The following AGBL4 variants were observed in gnomAD, a reference collection of about 807,000 sequenced individuals.
AGBL4 encodes the protein cytosolic carboxypeptidase 6.
Under a neutral mutation model 66.4 loss-of-function variants are expected in AGBL4, and 58 were observed. That is an observed-to-expected ratio of 0.87 (90% confidence interval 0.71 to 1.09). AGBL4 has a LOEUF of 1.09. AGBL4 is among the 50% of genes least tolerant of loss of function. AGBL4 has a pLI of 0.00. For missense variants in AGBL4, 579 were observed against 631.0 expected (o/e 0.92, Z 0.88); for synonymous variants, 234 against 222.9 (o/e 1.05, Z -0.44).
At chr1:49,210,474 C>A (rs1167801806) in intron 4 of AGBL4, among the ~76,000 whole-genome samples, 5 of 152,006 alleles carry the variant, frequency 3.3e-5, no homozygotes, top group Non-Finnish European at 5.9e-5. Flanking sequence ...TCTCCACAAA[C>A]AATAGCAGCA....
At chr1:48,731,174 AC>A (rs1648069700) in intron 6 of AGBL4, among the ~76,000 whole-genome samples, 2 of 152,236 alleles carry the variant, frequency 1.3e-5, no homozygotes, top group African/African-American at 4.8e-5. Flanking sequence ...CATGGGAAGA[AC>A]CAACCAAATG....
intron 3 of AGBL4, among the ~76,000 whole-genome samples, chr1:49,500,762 G>A (rs1319942767): frequency 6.6e-6 from 1 of 152,066 alleles, no homozygotes; most frequent in Non-Finnish European, 1.5e-5. Flanking sequence ...CCAGTACCAT[G>A]CTGTTTTGGT....
At chr1:49,499,057 G>A (rs1368658466) in intron 3 of AGBL4, among the ~76,000 whole-genome samples, 1 of 151,928 alleles carries the variant, frequency 6.6e-6, no homozygotes, top group Non-Finnish European at 1.5e-5. Context: ...TGGTTTCAGG[G>A]TTGTCCTGGC....
intron 1 of AGBL4, among the ~76,000 whole-genome samples, chr1:49,989,223 C>T (rs1659739465): frequency 6.6e-6 from 1 of 152,132 alleles, no homozygotes; most frequent in Admixed American, 6.6e-5. Flanking sequence ...ATTAATTTAA[C>T]AGAAAACAGT....
chr1:48,539,700 C>G lies in AGBL4; in HGVS notation c.1306G>C (p.Asp436His). Residue 436 changes from aspartate to histidine, a missense_variant, in exon 12 of 14, where the codon GAC (aspartate) becomes CAC (histidine). Coordinates refer to ENST00000371839, the MANE Select transcript of AGBL4 (RefSeq NM_032785.4). Reference protein sequence around the residue: ...LGRNVARTFLDYYRLNPVVEK... With the variant: ...LGRNVARTFLHYYRLNPVVEK... ...ACCACGGGGTTCAGCCGATAATAGTCCAAAAAGGTTCTTGCCACATTCCGC... is the reference window on the plus strand; with the variant it reads ...ACCACGGGGTTCAGCCGATAATAGTGCAAAAAGGTTCTTGCCACATTCCGC... The G allele has an allele frequency of 6.5e-7, 1 of 1,544,236 alleles. No individual in the cohort carries two copies. Among genetic ancestry groups the G allele is most frequent in the Admixed American group, 2.0e-5 (1 of 50,606 alleles).
At chr1:49,314,600 T>C (rs1010021443) in intron 3 of AGBL4, among the ~76,000 whole-genome samples, 5 of 152,192 alleles carry the variant, frequency 3.3e-5, no homozygotes, top group Non-Finnish European at 7.3e-5. Context: ...ATGGTGTATA[T>C]GTGCCACACT....
intron 3 of AGBL4, among the ~76,000 whole-genome samples, chr1:49,564,181 C>T (rs1444751790): frequency 6.6e-6 from 1 of 151,882 alleles, no homozygotes; most frequent in Non-Finnish European, 1.5e-5. Flanking sequence ...TTTATTGCGT[C>T]TATTTGATTA....
chr1:48,715,457 A>C (rs147838328), intron 6 of AGBL4, among the ~76,000 whole-genome samples: 1 of 152,152 alleles, frequency 6.6e-6, no homozygotes, highest in Non-Finnish European at 1.5e-5. Flanking sequence ...TGCATCTGTC[A>C]CTTCCCCCTG....
intron 5 of AGBL4, among the ~76,000 whole-genome samples, chr1:48,955,839 T>G (rs2148933060): frequency 6.6e-6 from 1 of 152,350 alleles, no homozygotes; most frequent in African/African-American, 2.4e-5. Context: ...AAGAGAATAC[T>G]GTGAGGAATA....
intron 1 of AGBL4, among the ~76,000 whole-genome samples, chr1:49,913,457 C>A (rs1651060066): frequency 6.6e-6 from 1 of 152,234 alleles, no homozygotes; most frequent in Admixed American, 6.5e-5. Flanking sequence ...GGATATTGGG[C>A]CCCCAAGGCC....
chr1:49,912,263 C>A (rs1216708580), intron 1 of AGBL4, among the ~76,000 whole-genome samples: 2 of 152,124 alleles, frequency 1.3e-5, no homozygotes, highest in Non-Finnish European at 2.9e-5. Context: ...GTTCTCTAGC[C>A]TATATCCCAC....
At chr1:49,385,291 T>C (rs978993554) in intron 3 of AGBL4, among the ~76,000 whole-genome samples, 1 of 152,160 alleles carries the variant, frequency 6.6e-6, no homozygotes, top group Non-Finnish European at 1.5e-5. Flanking sequence ...GTAAATTTTA[T>C]GTTCTGTGTG....
intron 1 of AGBL4, among the ~76,000 whole-genome samples, chr1:49,870,970 C>T (rs1193942718): frequency 6.6e-6 from 1 of 151,980 alleles, no homozygotes; most frequent in Admixed American, 6.6e-5. Flanking sequence ...AGATAACAAT[C>T]AAAATAAACA....
chr1:49,769,713 G>A (rs773693166), intron 2 of AGBL4, among the ~76,000 whole-genome samples: 1 of 152,108 alleles, frequency 6.6e-6, no homozygotes, highest in African/African-American at 2.4e-5. Context: ...GATGGGGACA[G>A]GACTCCCTAT....
chr1:48,920,005 T>C (rs1052080198), intron 5 of AGBL4, among the ~76,000 whole-genome samples: 2 of 152,158 alleles, frequency 1.3e-5, no homozygotes, highest in African/African-American at 4.8e-5. Flanking sequence ...AGAAAAAGGA[T>C]GGGGTATGGG....
intron 6 of AGBL4, among the ~76,000 whole-genome samples, chr1:48,791,813 TA>T (rs1161952858): frequency 2.0e-5 from 3 of 151,968 alleles, no homozygotes; most frequent in Non-Finnish European, 4.4e-5. Flanking sequence ...TCATAAAACA[TA>T]AAAAAAAGTT....
At position 48,634,514 on chromosome 1, in the gene AGBL4, G is replaced by A. The variant is rs745710422; in HGVS notation, c.930C>T (p.Ile310=). 9 of 1,602,836 alleles carry A rather than the reference G, an allele frequency of 5.6e-6. No individual in the cohort carries two copies. The East Asian group carries it at 6.7e-5, about 12-fold the overall frequency. Residue 310 remains isoleucine, a synonymous_variant, in exon 9 of 14, where the codon ATC becomes ATT. Coordinates refer to ENST00000371839, the MANE Select transcript of AGBL4 (RefSeq NM_032785.4). The stretch of plus-strand genomic sequence containing the variant: ...TTACTGGGTCGTTGTACATCTGGAC[G>A]ATGAGTTGTTTCACTCCATGCAGGG... The part of the protein sequence containing the change: ...HPTLHGVKQL[I]VQMYNDPKTS...
intron 2 of AGBL4, among the ~76,000 whole-genome samples, chr1:49,740,677 T>G (rs547433841): frequency 1.2e-4 from 18 of 151,586 alleles, no homozygotes; most frequent in Admixed American, 4.6e-4. Context: ...AAATGTAAAA[T>G]AACAGAAATT....
rs376104161 is a variant in AGBL4, at chr1:49,864,408, A to G, written c.35-12890T>C. ...CTTAATTGAAAGATGGCCGACTAGAAAGAGATGCAGTGGGAGGCTCCAACC... is the reference window on the plus strand; with the variant it reads ...CTTAATTGAAAGATGGCCGACTAGAGAGAGATGCAGTGGGAGGCTCCAACC... On this transcript the variant is annotated intron_variant, in intron 1 of 13. Transcript: ENST00000371839. Among the ~76,000 whole-genome samples the G allele has an allele frequency of 2.0e-5, 3 of 152,342 alleles. No individual in the cohort carries two copies. The East Asian group carries it at 5.8e-4, about 29-fold the overall frequency.
Sources: gnomAD v4.1 joint callset for allele counts (sites outside exome capture counted in the v4.1 genomes callset) on GRCh38, gnomAD v4.1.1 for gene constraint, MANE v1.5 for transcripts, NCBI Gene and HGNC (gene_info 2026-07-23, HGNC 2026-07-21) for gene names.